The following BNC2 variants were observed in gnomAD, a reference collection of about 807,000 sequenced individuals.
BNC2 encodes the protein zinc finger protein basonuclin-2.
A neutral mutation model predicts 76.3 loss-of-function variants in BNC2; 20 were observed. The observed-to-expected ratio is 0.26, with a 90% CI of 0.18 to 0.38. BNC2 has a LOEUF of 0.38. Ranked by LOEUF, BNC2 falls within the 10% of genes least tolerant of loss-of-function variation. The pLI is 1.00. For synonymous variants in BNC2, 582 were observed against 514.8 expected, an observed-to-expected ratio of 1.13 and a Z score of -1.77; for missense variants, 1,382 against 1,399.8, an observed-to-expected ratio of 0.99 and a Z score of 0.20.
intron 5 of BNC2, among the ~76,000 whole-genome samples, chr9:16,510,689 T>A (rs1035111961): frequency 6.6e-6 from 1 of 152,162 alleles, no homozygotes; most frequent in Non-Finnish European, 1.5e-5. Context: ...CATGACAGGA[T>A]AGGGAAGGTG....
At chr9:16,789,988 C>A (rs146510432) in intron 1 of BNC2, among the ~76,000 whole-genome samples, 11 of 152,082 alleles carry the variant, frequency 7.2e-5, no homozygotes, top group African/African-American at 2.7e-4. Context: ...TGATCATGCG[C>A]GCTGAAATCA....
chr9:16,518,214 G>A lies in BNC2; in HGVS notation c.669+34316C>T, dbSNP rs558962943. On this transcript the variant is annotated intron_variant, in intron 5 of 6. Coordinates refer to ENST00000380672, the MANE Select transcript of BNC2 (RefSeq NM_017637.6). ...GAGGCCAAGGCGGGAGGATCACTTA[G>A]CCCAGGAGTTCAAGACCAGCCTGGG... is the stretch of plus-strand genomic sequence containing the variant. 3.0e-4 allele frequency among the ~76,000 whole-genome samples: 45 copies of A among 152,272 alleles called. No homozygotes were observed. The East Asian group carries it at 7.1e-3, about 24-fold the overall frequency.
chr9:16,707,520 T>C (rs747532470), intron 3 of BNC2, among the ~76,000 whole-genome samples: 22 of 152,190 alleles, frequency 1.4e-4, no homozygotes, highest in Admixed American at 2.6e-4. Flanking sequence ...GCACCTGCAG[T>C]ACATGTAACC....
intron 3 of BNC2, among the ~76,000 whole-genome samples, chr9:16,675,765 C>T (rs549825295): frequency 7.2e-5 from 11 of 152,206 alleles, no homozygotes; most frequent in Non-Finnish European, 1.5e-4. Context: ...GGTTACATAA[C>T]TTAAGTAATT....
At chr9:16,735,938 A>C (rs1004130465) in intron 2 of BNC2, among the ~76,000 whole-genome samples, 2 of 152,114 alleles carry the variant, frequency 1.3e-5, no homozygotes, top group Admixed American at 6.5e-5. Flanking sequence ...AACATCCAAG[A>C]AAATCATGTT....
At chr9:16,530,211 G>C (rs769225749) in intron 5 of BNC2, among the ~76,000 whole-genome samples, 4 of 151,896 alleles carry the variant, frequency 2.6e-5, no homozygotes, top group Non-Finnish European at 2.9e-5. Flanking sequence ...ACTATGCACA[G>C]GCATGAACTA....
chr9:16,572,592 TG>T (rs1351377110), intron 4 of BNC2, among the ~76,000 whole-genome samples: 3 of 152,130 alleles, frequency 2.0e-5, no homozygotes, highest in Non-Finnish European at 4.4e-5. Flanking sequence ...CAGAAACCTC[TG>T]GTCTCAGCAA....
intron 3 of BNC2, among the ~76,000 whole-genome samples, chr9:16,716,496 T>A (rs571461528): frequency 6.6e-6 from 1 of 152,218 alleles, no homozygotes; most frequent in Non-Finnish European, 1.5e-5. Flanking sequence ...GAATATCTTT[T>A]ACATTTCATT....
intron 1 of BNC2, among the ~76,000 whole-genome samples, chr9:16,812,230 T>C (rs1322294613): frequency 1.3e-5 from 2 of 152,218 alleles, no homozygotes; most frequent in Non-Finnish European, 2.9e-5. Context: ...ATGTAAGGGC[T>C]CTGGGCTTGG....
chr9:16,693,317 T>C (rs1046454029), intron 3 of BNC2, among the ~76,000 whole-genome samples: 5 of 152,062 alleles, frequency 3.3e-5, no homozygotes, highest in African/African-American at 1.2e-4. Flanking sequence ...AGAACGTGCA[T>C]GAATAAAATC....
intron 6 of BNC2, among the ~76,000 whole-genome samples, chr9:16,425,614 C>T (rs929656021): frequency 2.6e-5 from 4 of 152,146 alleles, no homozygotes; most frequent in African/African-American, 7.2e-5. Context: ...CTAAATGAAT[C>T]GTAATATGCT....
chr9:16,811,480 A>T (rs1586903074), intron 1 of BNC2, among the ~76,000 whole-genome samples: 1 of 145,398 alleles, frequency 6.9e-6, no homozygotes, highest in East Asian at 2.2e-4. Flanking sequence ...TGAACCAGGG[A>T]GACGGAGGTT....
chr9:16,649,421 T>C (rs1449553732), intron 3 of BNC2, among the ~76,000 whole-genome samples: 6 of 152,210 alleles, frequency 3.9e-5, no homozygotes, highest in Non-Finnish European at 8.8e-5. Context: ...TGGCGACAGA[T>C]CTTTCTTTCC....
intron 3 of BNC2, among the ~76,000 whole-genome samples, chr9:16,650,022 C>A (rs1477891931): frequency 3.9e-5 from 6 of 152,284 alleles, no homozygotes; most frequent in Non-Finnish European, 8.8e-5. Flanking sequence ...ATCTGATAAG[C>A]TTAGACCTGC....
At chr9:16,641,746 T>C (rs888474329) in intron 3 of BNC2, among the ~76,000 whole-genome samples, 3 of 152,194 alleles carry the variant, frequency 2.0e-5, no homozygotes, top group African/African-American at 7.2e-5. Context: ...AAATAAAGCA[T>C]ATATACAAAG....
intron 1 of BNC2, among the ~76,000 whole-genome samples, chr9:16,794,379 T>C (rs1413551731): frequency 6.6e-6 from 1 of 152,196 alleles, no homozygotes; most frequent in East Asian, 1.9e-4. Flanking sequence ...TTGAGATATC[T>C]CCTGTCTGTT....
chr9:16,640,673 G>C lies in BNC2; in HGVS notation c.331-57588C>G, dbSNP rs577912503. Among the ~76,000 whole-genome samples, 4 of 152,252 alleles carry C rather than the reference G, an allele frequency of 2.6e-5. No individual in the cohort carries two copies. In the South Asian group the frequency reaches 8.3e-4, roughly 32 times the overall value. On this transcript the variant is annotated intron_variant, in intron 3 of 6. Coordinates refer to ENST00000380672, the MANE Select transcript of BNC2 (RefSeq NM_017637.6). ...GCCGTATACATTAAGCATGACCTTA[G>C]GCATGTATTTTAAGAGTGTTTGATA...
At chr9:16,692,001 G>A (rs148269330) in intron 3 of BNC2, among the ~76,000 whole-genome samples, 1,617 of 151,344 alleles carry the variant, frequency 0.011, 21 homozygotes, top group African/African-American at 0.037. Context: ...AGTAGAGATG[G>A]GGTTTCTCCA....
chr9:16,429,982 T>A (rs756580648), intron 6 of BNC2: 1 of 515,210 alleles, frequency 1.9e-6, no homozygotes, highest in Non-Finnish European at 3.9e-6. Flanking sequence ...GTTTTGCTCA[T>A]TGCTCTTCTC....
Sources: allele counts gnomAD v4.1 joint callset (sites outside exome capture counted in the v4.1 genomes callset), GRCh38; gene constraint gnomAD v4.1.1; transcripts MANE v1.5; gene names NCBI Gene and HGNC (gene_info 2026-07-23, HGNC 2026-07-21).